ACTR2: variants seen among roughly 807,000 people sequenced by gnomAD.
ACTR2 encodes actin-related protein 2.
ACTR2 carries 5 observed loss-of-function variants against 50.2 expected under a neutral mutation model. That is an observed-to-expected ratio of 0.10 (90% CI 0.05 to 0.21). The LOEUF is 0.21. ACTR2 is among the 10% of genes least tolerant of loss of function. ACTR2 has a pLI of 1.00. For missense variants in ACTR2, 180 were observed against 480.6 expected, an observed-to-expected ratio of 0.37 and a Z score of 5.85; for synonymous variants, 140 against 162.9, an observed-to-expected ratio of 0.86 and a Z score of 1.07.
At chr2:65,243,682 G>A (rs1417107212) in intron 2 of ACTR2, among the ~76,000 whole-genome samples, 1 of 152,134 alleles carries the variant, frequency 6.6e-6, no homozygotes, top group Non-Finnish European at 1.5e-5. Flanking sequence ...TTCTTCTAGG[G>A]ATTTAATTGT....
intron 1 of ACTR2, among the ~76,000 whole-genome samples, chr2:65,234,988 A>G (rs755281644): frequency 2.0e-5 from 3 of 152,206 alleles, no homozygotes; most frequent in Admixed American, 6.6e-5. Flanking sequence ...TATTTGAGAT[A>G]TTTGTGTAAA....
chr2:65,241,646 C>T (rs75231942), intron 2 of ACTR2, among the ~76,000 whole-genome samples: 2,657 of 152,240 alleles, frequency 0.017, 78 homozygotes, highest in African/African-American at 0.06. Flanking sequence ...CAACCCTGAG[C>T]TATCTAACAC....
chr2:65,266,564 C>T (rs1039093570), intron 8 of ACTR2, among the ~76,000 whole-genome samples: 4 of 151,232 alleles, frequency 2.6e-5, no homozygotes, highest in East Asian at 1.9e-4. Flanking sequence ...GGTGTGGGGG[C>T]GGTTTAAGCA....
chr2:65,255,796 T>C (rs956644521), intron 6 of ACTR2, 102 bp downstream of exon 6: 42 of 1,104,094 alleles, frequency 3.8e-5, no homozygotes, highest in Non-Finnish European at 5.1e-5. Context: ...ATTTTTGTCT[T>C]GGGTTGTTGT....
chr2:65,270,398 C>T lies in ACTR2; in HGVS notation c.*1664C>T, dbSNP rs528669139. On this transcript the variant is annotated 3_prime_UTR_variant, in exon 9 of 9. Transcript: ENST00000260641. The stretch of plus-strand genomic sequence containing the variant: ...TTTGTCTGTTTTACCTCAATTTGAA[C>T]AGATAAGTTTGCCTGCATGCTGGAC... 1 of 152,658 alleles carries T rather than the reference C, an allele frequency of 6.6e-6. No homozygotes were observed. The highest frequency in any genetic ancestry group is 2.1e-4 in the South Asian group (1 of 4,824). 9.5% of individuals were successfully genotyped at this position (152,658 alleles called of 1,614,324 possible). A position where few individuals can be genotyped will look rare whatever the true frequency, so the allele number is the denominator to read the frequency against.
chr2:65,233,330 C>T (rs1671675390), intron 1 of ACTR2, among the ~76,000 whole-genome samples: 1 of 151,084 alleles, frequency 6.6e-6, no homozygotes, highest in Admixed American at 6.6e-5. Flanking sequence ...TTATTATTTG[C>T]AGAAGTAATC....
chr2:65,265,517 A>G lies in ACTR2; in HGVS notation c.1014+342A>G, dbSNP rs1672353619. ...TGAGTTTTGTTCTTTTTTTAAACTT[A>G]TTTTTTGGATATGCAATCAGCCTTC... is the stretch of plus-strand genomic sequence containing the variant. On this transcript the variant is annotated intron_variant, in intron 8 of 8. Transcript: ENST00000260641. Among the ~76,000 whole-genome samples, 4 of 152,220 alleles carry G rather than the reference A, an allele frequency of 2.6e-5. No individual in the cohort carries two copies. In the South Asian group the frequency reaches 8.3e-4, roughly 32 times the overall value.
intron 5 of ACTR2, among the ~76,000 whole-genome samples, chr2:65,255,341 T>A (rs1672130491): frequency 1.3e-5 from 2 of 152,234 alleles, no homozygotes; most frequent in Non-Finnish European, 2.9e-5. Context: ...TACTTATGAA[T>A]TGTTAATTCT....
At chr2:65,246,396 A>G (rs1671940769) in intron 2 of ACTR2, 128 bp from the exon 3 acceptor site, 7 of 678,870 alleles carry the variant, frequency 1.0e-5, no homozygotes, top group Non-Finnish European at 1.7e-5. Context: ...CTTGATAGAA[A>G]AGATTTTCTA....
chr2:65,236,434 C>T (rs1671740329), intron 1 of ACTR2, among the ~76,000 whole-genome samples: 1 of 152,058 alleles, frequency 6.6e-6, no homozygotes, highest in Admixed American at 6.6e-5. Context: ...AACAGGGCTG[C>T]TGTAGAGATC....
chr2:65,263,924 G>A (rs1002153562), intron 7 of ACTR2, among the ~76,000 whole-genome samples: 4 of 152,052 alleles, frequency 2.6e-5, no homozygotes, highest in African/African-American at 4.8e-5. Flanking sequence ...GTGTGGTGAC[G>A]GGTGCCTGTA....
intron 2 of ACTR2, chr2:65,246,188 T>A (rs1305976289): frequency 5.6e-6 from 1 of 177,742 alleles, no homozygotes; most frequent in Non-Finnish European, 1.2e-5. Context: ...ATCACAGGCC[T>A]TATTTTTTGA....
At position 65,270,791 on chromosome 2, in the gene ACTR2, AG is replaced by A. The variant is rs1413485000; in HGVS notation, c.*2058del. On this transcript the variant is annotated 3_prime_UTR_variant, in exon 9 of 9. Coordinates refer to ENST00000260641, the MANE Select transcript of ACTR2 (RefSeq NM_005722.4). ...GCATTATGTATATATATTATAATTTAGAAATACCATTTTATAATTTTACTAT... is the reference window on the plus strand; with the variant it reads ...GCATTATGTATATATATTATAATTTAAAATACCATTTTATAATTTTACTAT... 6.6e-6 allele frequency: 1 copy of A among 152,164 alleles called. No homozygotes were observed. The highest frequency in any genetic ancestry group is 1.5e-5 in the Non-Finnish European group (1 of 68,040). The allele number at this position is 152,164 out of a possible 1,614,324, so 9.4% of individuals were successfully genotyped here.
chr2:65,267,692 T>C (rs1672399432), intron 8 of ACTR2, among the ~76,000 whole-genome samples: 1 of 152,140 alleles, frequency 6.6e-6, no homozygotes, highest in African/African-American at 2.4e-5. Flanking sequence ...CATAACATCC[T>C]GATGATTTGT....
At chr2:65,239,766 T>C (rs985965442) in intron 1 of ACTR2, 86 bp from the exon 2 acceptor site, 5 of 875,608 alleles carry the variant, frequency 5.7e-6, no homozygotes, top group East Asian at 4.9e-5. Flanking sequence ...GTTATATAAA[T>C]GCAAAGTGAT....
At chr2:65,233,323 T>C (rs1274642142) in intron 1 of ACTR2, among the ~76,000 whole-genome samples, 4 of 151,696 alleles carry the variant, frequency 2.6e-5, no homozygotes, top group African/African-American at 9.7e-5. Context: ...ATTATTATTA[T>C]TATTTGCAGA....
rs186983770 is a variant in ACTR2, at chr2:65,270,120, T to G, written c.*1386T>G. Reference sequence around the variant, plus strand: ...GTACCATACATGAGTTATTTCTAAGTTTGAAAAATAAAAAGAAATTGCATC... The same window carrying G: ...GTACCATACATGAGTTATTTCTAAGGTTGAAAAATAAAAAGAAATTGCATC... On this transcript the variant is annotated 3_prime_UTR_variant, in exon 9 of 9. Coordinates refer to ENST00000260641, the MANE Select transcript of ACTR2 (RefSeq NM_005722.4). 44 of 152,304 alleles carry G rather than the reference T, an allele frequency of 2.9e-4. No individual in the cohort carries two copies. The highest frequency in any genetic ancestry group is 5.6e-4 in the Non-Finnish European group (38 of 68,010). The allele number at this position is 152,304 out of a possible 1,614,324, so 9.4% of individuals were successfully genotyped here. A position where few individuals can be genotyped will look rare whatever the true frequency, so the allele number is the denominator to read the frequency against.
chr2:65,229,736 G>A (rs1272371434), intron 1 of ACTR2, among the ~76,000 whole-genome samples: 1 of 120,222 alleles, frequency 8.3e-6, no homozygotes, highest in African/African-American at 3.4e-5. Context: ...GGGCGACAGA[G>A]CAAGACTCCG....
intron 4 of ACTR2, among the ~76,000 whole-genome samples, chr2:65,252,799 A>G (rs143481501): frequency 6.2e-4 from 94 of 152,246 alleles, no homozygotes; most frequent in African/African-American, 2.2e-3. Context: ...TGAGATCCCT[A>G]TCTCTATAAA....
Sources: allele counts gnomAD v4.1 joint callset (sites outside exome capture counted in the v4.1 genomes callset), GRCh38; gene constraint gnomAD v4.1.1; transcripts MANE v1.5; gene names NCBI Gene and HGNC (gene_info 2026-07-23, HGNC 2026-07-21).